Variants in PPFIA4 observed in about 807,000 individuals in gnomAD.
PPFIA4 encodes the protein liprin-alpha-4.
In PPFIA4, 98 loss-of-function variants were observed where a neutral mutation model predicts 145.7. The ratio of observed to expected loss-of-function variants is 0.67; its 90% CI spans 0.57 to 0.80. The LOEUF (loss-of-function observed/expected upper bound fraction) is 0.80. PPFIA4 is among the 30% of genes least tolerant of loss of function. PPFIA4 has a pLI of 0.00. For missense variants in PPFIA4, 1,457 were observed against 1,632.7 expected (o/e 0.89, Z 1.85); for synonymous variants, 628 against 649.6 (o/e 0.97, Z 0.51).
chr1:203,060,138 C>A lies in PPFIA4; in HGVS notation c.2584-79C>A. ...ATTCGAGTCCGTGGATGAGGCCTGG[C>A]CCTTGCCCCTTGCTGTTGCCAAACT... On this transcript the variant is annotated intron_variant, in intron 21 of 29. Transcript: ENST00000295706. This position sits in a 1 kb window ranked among gnomAD's most constrained non-coding sequence, Gnocchi z 4.8. 1.4e-6 allele frequency: 2 copies of A among 1,403,136 alleles called. No individual in the cohort carries two copies. Among genetic ancestry groups the A allele is most frequent in the Non-Finnish European group, 2.0e-6 (2 of 1,011,734 alleles). 86.9% of individuals were successfully genotyped at this position (1,403,136 alleles called of 1,614,324 possible). A position where few individuals can be genotyped will look rare whatever the true frequency, so the allele number is the denominator to read the frequency against.
chr1:203,034,815 G>A (rs1378107583), intron 1 of PPFIA4: 2 of 407,908 alleles, frequency 4.9e-6, no homozygotes, highest in African/African-American at 2.1e-5. Flanking sequence ...CATGAAGTCT[G>A]AAGGAGTTGT....
At chr1:203,031,569 C>G (rs1182330487) in intron 1 of PPFIA4, among the ~76,000 whole-genome samples, 2 of 152,192 alleles carry the variant, frequency 1.3e-5, no homozygotes, top group African/African-American at 4.8e-5. Context: ...ACATTTTACA[C>G]CTGGTGCCTA....
rs182916968 is a variant in PPFIA4, at chr1:203,051,845, C to T, written c.1588C>T (p.Arg530Cys). The T allele has an allele frequency of 1.7e-4, 275 of 1,613,694 alleles. 1 individual carries two copies. In the African/African-American group the frequency reaches 3.0e-3, roughly 17 times the overall value. Residue 530 changes from arginine (R) to cysteine (C), a missense_variant, in exon 14 of 30, where the codon CGC (arginine) becomes TGC (cysteine). Transcript: ENST00000295706. ...TTHAPPGVHR[R>C]YSALREESAK... The stretch of plus-strand genomic sequence containing the variant: ...ACACGCACCCCCAGGCGTGCATCGC[C>T]GCTACTCGGCATTGAGGGAAGAGTC...
In PPFIA4 at chr1:203,046,355, G is replaced by A; in HGVS notation, c.1113G>A (p.Leu371=). The A allele has an allele frequency of 6.3e-7, 1 of 1,590,578 alleles. No individual in the cohort carries two copies. Among genetic ancestry groups the A allele is most frequent in the Non-Finnish European group, 8.6e-7 (1 of 1,169,548 alleles). ...CGCTGCCAGAGGTGGAGGCTGAGCT[G>A]GCCCAGAGAATTGCAGCCCTCACCA... ...AETLPEVEAE[L]AQRIAALTKA... Residue 371 remains leucine, a synonymous_variant, in exon 9 of 30, where the codon CTG becomes CTA. Transcript: ENST00000295706.
At chr1:203,057,212 C>A (rs1661033697) in intron 19 of PPFIA4, among the ~76,000 whole-genome samples, 1 of 152,200 alleles carries the variant, frequency 6.6e-6, no homozygotes, top group Admixed American at 6.5e-5. Context: ...GTGGAAAGGT[C>A]TCCTGTATTG....
intron 2 of PPFIA4, among the ~76,000 whole-genome samples, chr1:203,039,594 G>C (rs970773403): frequency 6.6e-6 from 1 of 152,184 alleles, no homozygotes. Context: ...ATCACAGACA[G>C]TAGAGATGGG....
At chr1:203,029,449 CTGAG>C (rs1658667517) in intron 1 of PPFIA4, among the ~76,000 whole-genome samples, 1 of 152,378 alleles carries the variant, frequency 6.6e-6, no homozygotes, top group African/African-American at 2.4e-5. Flanking sequence ...GTGCCAGAGA[CTGAG>C]TGTTTGGTCA....
chr1:203,075,968 C>A lies in PPFIA4; in HGVS notation c.3574+211C>A. On this transcript the variant is annotated intron_variant, in intron 29 of 29. Coordinates refer to ENST00000295706, the MANE Select transcript of PPFIA4 (RefSeq NM_001304331.2). This position sits in a 1 kb window ranked among gnomAD's most constrained non-coding sequence, Gnocchi z 4.1. ...TCCCGCGGCTGCCGACTTCTCCCAG[C>A]TGGGACGGCGGGGTCGCAGAGACTG... The A allele has an allele frequency of 1.8e-6, 1 of 568,650 alleles. No individual in the cohort carries two copies. The highest frequency in any genetic ancestry group is 2.8e-6 in the Non-Finnish European group (1 of 351,472). The allele number at this position is 568,650 out of a possible 1,614,324, so 35.2% of individuals were successfully genotyped here.
At chr1:203,031,332 C>G (rs1658810348) in intron 1 of PPFIA4, among the ~76,000 whole-genome samples, 1 of 152,226 alleles carries the variant, frequency 6.6e-6, no homozygotes. Flanking sequence ...TGCTACTGCA[C>G]CGAGGGCTTA....
chr1:203,061,893 A>T (rs942768609), intron 24 of PPFIA4, among the ~76,000 whole-genome samples: 14 of 149,624 alleles, frequency 9.4e-5, no homozygotes, highest in Non-Finnish European at 1.6e-4. Flanking sequence ...GCCCTGGAGG[A>T]CTGTGGCCCC....
intron 1 of PPFIA4, among the ~76,000 whole-genome samples, chr1:203,027,975 A>T (rs915077879): frequency 6.6e-6 from 1 of 152,238 alleles, no homozygotes; most frequent in Non-Finnish European, 1.5e-5. Context: ...CCTAAGCAAA[A>T]GGGCAGCTTG....
intron 28 of PPFIA4, among the ~76,000 whole-genome samples, chr1:203,073,003 T>C (rs1662277773): frequency 6.6e-6 from 1 of 151,932 alleles, no homozygotes; most frequent in Non-Finnish European, 1.5e-5. Flanking sequence ...GCTTTGTTTG[T>C]TGCTGTCTGG....
At chr1:203,037,235 TG>T in intron 1 of PPFIA4, 1 of 333,566 alleles carries the variant, frequency 3.0e-6, no homozygotes, top group Non-Finnish European at 6.3e-6. Flanking sequence ...CTCTTTTCCC[TG>T]CTGGGTTCAG....
At chr1:203,031,527 C>T (rs1032964402) in intron 1 of PPFIA4, among the ~76,000 whole-genome samples, 1 of 152,174 alleles carries the variant, frequency 6.6e-6, no homozygotes, top group Non-Finnish European at 1.5e-5. Context: ...TTTTATGATG[C>T]CTACATTCCT....
chr1:203,052,395 C>T (rs141689736), intron 14 of PPFIA4, among the ~76,000 whole-genome samples: 8 of 152,118 alleles, frequency 5.3e-5, no homozygotes, highest in African/African-American at 1.9e-4. Context: ...CAGAAAAATG[C>T]CGAGTTTGAT....
chr1:203,048,736 G>A lies in PPFIA4; in HGVS notation c.1356+22G>A, dbSNP rs773160279. On this transcript the variant is annotated intron_variant, in intron 11 of 29. Transcript: ENST00000295706. The surrounding 1 kb of genome is among the most constrained non-coding windows in gnomAD (Gnocchi z 5.8). ...GAAGGTGCCCAGAGGGGCGGGGTTGGGATGCGAGAGGTTAGTGCTGGGTGT... is the reference window on the plus strand; with the variant it reads ...GAAGGTGCCCAGAGGGGCGGGGTTGAGATGCGAGAGGTTAGTGCTGGGTGT... 1.2e-6 allele frequency: 2 copies of A among 1,607,330 alleles called. No individual in the cohort carries two copies. Among genetic ancestry groups the A allele is most frequent in the Admixed American group, 3.4e-5 (2 of 59,402 alleles).
At position 203,059,918 on chromosome 1, in the gene PPFIA4, G is replaced by T. The variant is rs966516921; in HGVS notation, c.2583+67G>T. On this transcript the variant is annotated intron_variant, in intron 21 of 29. Transcript: ENST00000295706. ...AAGGATGCTTGGGGTGGGCAGAGGG[G>T]TGGTGTCCTAGAACTTTTACAGTGT... 5.3e-6 allele frequency: 7 copies of T among 1,325,684 alleles called. No individual in the cohort carries two copies. The African/African-American group carries it at 8.7e-5, about 17-fold the overall frequency. The allele number at this position is 1,325,684 out of a possible 1,614,324, so 82.1% of individuals were successfully genotyped here.
At chr1:203,035,081 C>T (rs1457661648) in intron 1 of PPFIA4, among the ~76,000 whole-genome samples, 3 of 152,210 alleles carry the variant, frequency 2.0e-5, no homozygotes, top group Admixed American at 6.5e-5. Context: ...GCAGCTCTGG[C>T]GACCATTATT....
chr1:203,073,294 C>T (rs1171192061), intron 28 of PPFIA4, among the ~76,000 whole-genome samples: 2 of 152,222 alleles, frequency 1.3e-5, no homozygotes, highest in African/African-American at 4.8e-5. Context: ...TTTCTGAGCT[C>T]TTCCCCCTTG....
Sources: allele counts gnomAD v4.1 joint callset (sites outside exome capture counted in the v4.1 genomes callset), GRCh38; gene constraint gnomAD v4.1.1; non-coding constraint Gnocchi (gnomAD v3.1); transcripts MANE v1.5; gene names NCBI Gene and HGNC (gene_info 2026-07-23, HGNC 2026-07-21).